SUMF1: variants seen among roughly 807,000 people sequenced by gnomAD.
SUMF1 encodes the protein sulfatase modifying factor 1.
A neutral mutation model predicts 47.6 loss-of-function variants in SUMF1; 48 were observed. The ratio of observed to expected loss-of-function variants is 1.01; its 90% CI spans 0.80 to 1.28. The LOEUF is 1.28. Among genes scored for constraint, SUMF1 ranks in the 50% most tolerant of loss-of-function variants. The probability of loss-of-function intolerance (pLI) is 0.00; values close to 1 mark genes in which losing one functional copy is unlikely to be tolerated. For synonymous variants in SUMF1, 230 were observed against 192.1 expected, an observed-to-expected ratio of 1.20 and a Z score of -1.63; for missense variants, 571 against 485.4, an observed-to-expected ratio of 1.18 and a Z score of -1.66.
intron 8 of SUMF1, among the ~76,000 whole-genome samples, chr3:4,182,070 T>G (rs1487734456): frequency 6.6e-6 from 1 of 152,206 alleles, no homozygotes; most frequent in Non-Finnish European, 1.5e-5. Context: ...CTATTTACAT[T>G]CTTGCCCTGG....
chr3:4,255,304 A>G (rs984820582), intron 8 of SUMF1, among the ~76,000 whole-genome samples: 4 of 92,798 alleles, frequency 4.3e-5, no homozygotes, highest in Non-Finnish European at 4.6e-5. Context: ...GCTCCAATTA[A>G]AAGACACAGA....
intron 8 of SUMF1, among the ~76,000 whole-genome samples, chr3:4,081,074 A>G (rs942539494): frequency 1.3e-5 from 2 of 152,164 alleles, no homozygotes; most frequent in Non-Finnish European, 2.9e-5. Context: ...GTTTCAAGAC[A>G]AAGGTGAATT....
chr3:4,199,588 C>T (rs1045432494), intron 8 of SUMF1, among the ~76,000 whole-genome samples: 2 of 152,100 alleles, frequency 1.3e-5, no homozygotes, highest in Non-Finnish European at 2.9e-5. Context: ...CCATTTCCAT[C>T]AGCAATGTAT....
chr3:4,147,735 G>A (rs1191554206), intron 8 of SUMF1, among the ~76,000 whole-genome samples: 3 of 152,108 alleles, frequency 2.0e-5, no homozygotes, highest in South Asian at 2.1e-4. Flanking sequence ...ACAGGATGCA[G>A]ATAAAAAGAA....
intron 8 of SUMF1, among the ~76,000 whole-genome samples, chr3:4,263,555 C>G (rs1170636873): frequency 7.2e-5 from 11 of 152,154 alleles, no homozygotes; most frequent in Admixed American, 5.9e-4. Flanking sequence ...CTCATCAACA[C>G]TGGTCCATTT....
At chr3:4,162,009 T>A (rs1340360500) in intron 8 of SUMF1, among the ~76,000 whole-genome samples, 1 of 152,090 alleles carries the variant, frequency 6.6e-6, no homozygotes, top group Non-Finnish European at 1.5e-5. Context: ...CAAGGGCTCT[T>A]TAGTCAGCAG....
intron 8 of SUMF1, among the ~76,000 whole-genome samples, chr3:4,318,305 C>G (rs1698739318): frequency 6.6e-6 from 1 of 151,970 alleles, no homozygotes; most frequent in South Asian, 2.1e-4. Flanking sequence ...ATACGAAAAT[C>G]AGTAAATCCA....
At chr3:4,406,133 C>T (rs1037263897) in intron 7 of SUMF1, among the ~76,000 whole-genome samples, 3 of 151,922 alleles carry the variant, frequency 2.0e-5, no homozygotes, top group Non-Finnish European at 2.9e-5. Flanking sequence ...AATTAGATAG[C>T]CAAAACATAA....
chr3:4,203,430 A>G (rs1299163794), intron 8 of SUMF1, among the ~76,000 whole-genome samples: 1 of 151,928 alleles, frequency 6.6e-6, no homozygotes, highest in East Asian at 1.9e-4. Context: ...TTTCATTTGC[A>G]TGGAACATAC....
intron 8 of SUMF1, among the ~76,000 whole-genome samples, chr3:4,127,702 C>T (rs1186721219): frequency 6.6e-6 from 1 of 152,032 alleles, no homozygotes; most frequent in Non-Finnish European, 1.5e-5. Flanking sequence ...ATATATATTC[C>T]ATTAGTTCTG....
intron 8 of SUMF1, among the ~76,000 whole-genome samples, chr3:4,162,685 A>G (rs1364218003): frequency 6.6e-6 from 1 of 152,164 alleles, no homozygotes. Context: ...TGCCAGAAGG[A>G]TGGGAGTGAG....
At chr3:4,418,273 C>T in intron 4 of SUMF1, 141 bp from the exon 5 acceptor site, 1 of 1,271,204 alleles carries the variant, frequency 7.9e-7, no homozygotes, top group South Asian at 1.3e-5. Flanking sequence ...AAACCCCAGC[C>T]ATGCTACATC....
intron 8 of SUMF1, among the ~76,000 whole-genome samples, chr3:4,255,737 A>T (rs1329687142): frequency 7.5e-6 from 1 of 133,566 alleles, no homozygotes; most frequent in Non-Finnish European, 1.6e-5. Context: ...ATACCCAGGA[A>T]TTGAACTCAG....
At chr3:4,248,250 T>C (rs1393210778) in intron 8 of SUMF1, among the ~76,000 whole-genome samples, 1 of 152,140 alleles carries the variant, frequency 6.6e-6, no homozygotes, top group Non-Finnish European at 1.5e-5. Context: ...ACATTCAGAA[T>C]AGACTGTTTT....
At chr3:4,322,243 AG>A in intron 8 of SUMF1, among the ~76,000 whole-genome samples, 1 of 152,290 alleles carries the variant, frequency 6.6e-6, no homozygotes, top group South Asian at 2.1e-4. Flanking sequence ...TATGGTCTTT[AG>A]TTAATGATGT....
intron 8 of SUMF1, chr3:4,312,799 T>C (rs544622641): frequency 7.2e-7 from 1 of 1,384,972 alleles, no homozygotes; most frequent in East Asian, 2.3e-5. Context: ...TGTTTTTATA[T>C]ATGTTAGAAT....
At chr3:4,198,126 A>G (rs931247855) in intron 8 of SUMF1, among the ~76,000 whole-genome samples, 4 of 150,072 alleles carry the variant, frequency 2.7e-5, no homozygotes, top group South Asian at 2.1e-4. Flanking sequence ...TATTTTCTCT[A>G]TATTACCTAA....
intron 8 of SUMF1, among the ~76,000 whole-genome samples, chr3:4,184,895 C>T (rs1260760026): frequency 6.6e-6 from 1 of 152,070 alleles, no homozygotes; most frequent in Admixed American, 6.5e-5. Flanking sequence ...GGTGATCCAC[C>T]TGCCTGGGCC....
intron 8 of SUMF1, among the ~76,000 whole-genome samples, chr3:4,134,221 A>G (rs1351379961): frequency 1.3e-5 from 2 of 152,118 alleles, no homozygotes; most frequent in Non-Finnish European, 1.5e-5. Context: ...GTTGGAAGTA[A>G]AACACTCCTC....
Sources: gnomAD v4.1 joint callset for allele counts (sites outside exome capture counted in the v4.1 genomes callset) on GRCh38, gnomAD v4.1.1 for gene constraint, MANE v1.5 for transcripts, NCBI Gene and HGNC (gene_info 2026-07-23, HGNC 2026-07-21) for gene names.